LIFR: variants seen among roughly 807,000 people sequenced by gnomAD.
The protein encoded by LIFR is leukemia inhibitory factor receptor.
LIFR carries 84 observed loss-of-function variants against 122.2 expected under a neutral mutation model. The observed-to-expected ratio is 0.69, with a 90% CI of 0.58 to 0.82. The LOEUF (loss-of-function observed/expected upper bound fraction) is 0.82. Ranked by LOEUF, LIFR falls within the 40% of genes least tolerant of loss-of-function variation. LIFR has a pLI of 0.00. For missense variants in LIFR, 1,294 were observed against 1,311.6 expected (o/e 0.99, Z 0.21); for synonymous variants, 422 against 434.7 (o/e 0.97, Z 0.36).
chr5:38,576,269 C>T (rs1179155441), intron 1 of LIFR, among the ~76,000 whole-genome samples: 1 of 152,190 alleles, frequency 6.6e-6, no homozygotes, highest in Non-Finnish European at 1.5e-5. Flanking sequence ...TTCCTGCTTG[C>T]TCCACTGCCA....
At chr5:38,508,371 T>A (rs1025648865) in intron 7 of LIFR, among the ~76,000 whole-genome samples, 7 of 152,238 alleles carry the variant, frequency 4.6e-5, no homozygotes, top group African/African-American at 1.4e-4. Context: ...CATATTAAGA[T>A]GAATTAAAGA....
upstream of LIFR, among the ~76,000 whole-genome samples, chr5:38,596,387 G>A (rs888804892): frequency 6.6e-6 from 1 of 152,192 alleles, no homozygotes; most frequent in African/African-American, 2.4e-5. Context: ...GCAGATCAGA[G>A]GTTCTCAAAC....
At chr5:38,601,868 A>T (rs1170677872) in intron 2 of LIFR, among the ~76,000 whole-genome samples, 1 of 151,936 alleles carries the variant, frequency 6.6e-6, no homozygotes. Flanking sequence ...TATACCCCCA[A>T]CTGAAGCTAT....
chr5:38,490,520 T>C, intron 14 of LIFR: 1 of 273,190 alleles, frequency 3.7e-6, no homozygotes, highest in Non-Finnish European at 6.8e-6. Context: ...TAATATAAGA[T>C]GGGATTGCAT....
intron 1 of LIFR, among the ~76,000 whole-genome samples, chr5:38,580,946 C>T (rs1428009323): frequency 1.3e-5 from 2 of 152,112 alleles, no homozygotes; most frequent in Non-Finnish European, 2.9e-5. Flanking sequence ...TTCTGGCACC[C>T]AGACTGCTTG....
intron 1 of LIFR, among the ~76,000 whole-genome samples, chr5:38,588,778 C>T (rs931661906): frequency 6.6e-5 from 10 of 152,228 alleles, no homozygotes; most frequent in East Asian, 3.9e-4. Context: ...AGGCACATTA[C>T]GATCTGAACT....
chr5:38,560,142 TG>T (rs1456145881), upstream of LIFR, among the ~76,000 whole-genome samples: 1 of 152,040 alleles, frequency 6.6e-6, no homozygotes, highest in Non-Finnish European at 1.5e-5. Flanking sequence ...GGAGAAGATA[TG>T]GCTGTGTTCC....
At chr5:38,542,187 A>C (rs10512686) in intron 1 of LIFR, among the ~76,000 whole-genome samples, 3 of 152,066 alleles carry the variant, frequency 2.0e-5, no homozygotes, top group Admixed American at 2.0e-4. Context: ...CCATCTCACC[A>C]TAAGTGCCAG....
intron 4 of LIFR, among the ~76,000 whole-genome samples, chr5:38,524,754 C>T (rs771044235): frequency 6.6e-6 from 1 of 152,100 alleles, no homozygotes; most frequent in Non-Finnish European, 1.5e-5. Context: ...AGAGCATGAA[C>T]ACAAAGACAT....
chr5:38,511,581 A>G (rs1159021489), intron 6 of LIFR, among the ~76,000 whole-genome samples: 5 of 151,824 alleles, frequency 3.3e-5, no homozygotes, highest in African/African-American at 4.8e-5. Context: ...TTATCCAACC[A>G]CTCAGAAAGT....
rs371848646 is a variant in LIFR, at chr5:38,501,573, G to A, written c.1600+1064C>T. The stretch of plus-strand genomic sequence containing the variant: ...TCGAGACCAGCCTGACCAACACGGT[G>A]AAACCCCATCTCTACTAAAAATACA... On this transcript the variant is annotated intron_variant, in intron 11 of 19. Coordinates refer to ENST00000453190, the MANE Select transcript of LIFR (RefSeq NM_001127671.2). Among the ~76,000 whole-genome samples the A allele has an allele frequency of 2.0e-4, 30 of 152,228 alleles. No individual in the cohort carries two copies. The East Asian group carries it at 3.1e-3, about 16-fold the overall frequency.
intron 1 of LIFR, chr5:38,579,402 T>C (rs1303006859): frequency 6.6e-6 from 1 of 152,040 alleles, no homozygotes; most frequent in Non-Finnish European, 1.5e-5. Flanking sequence ...AACAGAAATA[T>C]AATCTGCTAT....
intron 1 of LIFR, among the ~76,000 whole-genome samples, chr5:38,549,220 T>G (rs1394409588): frequency 6.6e-6 from 1 of 151,518 alleles, no homozygotes; most frequent in East Asian, 2.0e-4. Flanking sequence ...ATAGTCTTCC[T>G]GGCATTTTAC....
rs547705110 is a variant in LIFR at position 38,529,949 on chromosome 5, C to A, written c.142+557G>T. 2.6e-4 allele frequency among the ~76,000 whole-genome samples: 39 copies of A among 152,066 alleles called. No homozygotes were observed. The South Asian group carries it at 7.7e-3, about 30-fold the overall frequency. ...GGAAATAATATAAAAACTAAACCAA[C>A]GGGCAGGAGGATGATAATTTCTTTA... is the stretch of plus-strand genomic sequence containing the variant. On this transcript the variant is annotated intron_variant, in intron 2 of 19. Transcript: ENST00000453190.
intron 13 of LIFR, among the ~76,000 whole-genome samples, chr5:38,494,524 T>A (rs1744775804): frequency 6.6e-6 from 1 of 152,064 alleles, no homozygotes; most frequent in African/African-American, 2.4e-5. Context: ...AGGTTTTGTT[T>A]CCCTGTCTTG....
In LIFR at chr5:38,583,174, T is replaced by G. The variant is rs1023587367; in HGVS notation, c.-20+12087A>C. ...CTGCTGTTGAACTGAAGGCCAAAATTATGAGTTATAAATTTCATGATCAGT... is the reference window on the plus strand; with the variant it reads ...CTGCTGTTGAACTGAAGGCCAAAATGATGAGTTATAAATTTCATGATCAGT... On this transcript the variant is annotated intron_variant, in intron 1 of 19. Coordinates refer to the LIFR transcript ENST00000263409. Among the ~76,000 whole-genome samples, 70 of 152,340 alleles carry G rather than the reference T, an allele frequency of 4.6e-4. 1 individual carries two copies. Among genetic ancestry groups the G allele is most frequent in the East Asian group, 1.2e-3 (6 of 5,186 alleles).
At chr5:38,500,163 CTTTGTG>C (rs1745101805) in intron 11 of LIFR, among the ~76,000 whole-genome samples, 1 of 152,066 alleles carries the variant, frequency 6.6e-6, no homozygotes, top group South Asian at 2.1e-4. Flanking sequence ...GTGTCTGTGT[CTTTGTG>C]TTTGTGTGTG....
chr5:38,509,841 C>T (rs1250117359), intron 7 of LIFR, among the ~76,000 whole-genome samples: 1 of 152,170 alleles, frequency 6.6e-6, no homozygotes, highest in Non-Finnish European at 1.5e-5. Flanking sequence ...ATGGGCAGGG[C>T]AGCCCACAAC....
chr5:38,485,958 CTTAACTT>C lies in LIFR; in HGVS notation c.2351_2357del (p.Lys784ArgfsTer11), dbSNP rs2112377756. The C allele has an allele frequency of 6.2e-7, 1 of 1,613,656 alleles. No individual in the cohort carries two copies. Among genetic ancestry groups the C allele is most frequent in the Non-Finnish European group, 8.5e-7 (1 of 1,179,542 alleles). On this transcript the variant is annotated frameshift_variant, in exon 17 of 20. Transcript: ENST00000453190. LOFTEE classifies it high-confidence loss of function. ...TCTTCTGGGATATGTCAGTAATATT[CTTAACTT>C]TTATGTCAGAACGACCTATTTTTAA...
Sources: gnomAD v4.1 joint callset for allele counts (sites outside exome capture counted in the v4.1 genomes callset) on GRCh38, gnomAD v4.1.1 for gene constraint, MANE v1.5 for transcripts, NCBI Gene and HGNC (gene_info 2026-07-23, HGNC 2026-07-21) for gene names.